RHOBTB2: variants seen among roughly 807,000 people sequenced by gnomAD.
RHOBTB2 encodes rho-related BTB domain-containing protein 2.
Under a neutral mutation model 66.5 loss-of-function variants are expected in RHOBTB2, and 39 were observed. The ratio of observed to expected loss-of-function variants is 0.59; its 90% CI spans 0.45 to 0.77. RHOBTB2 has a LOEUF of 0.77. RHOBTB2 is among the 30% of genes least tolerant of loss of function. The pLI is 0.00. For missense variants in RHOBTB2, 755 were observed against 999.1 expected (o/e 0.76, Z 3.29); for synonymous variants, 390 against 395.0 (o/e 0.99, Z 0.15).
rs1434400329 is a variant in RHOBTB2, at chr8:22,999,608, C to T, written c.-508C>T. 1.9e-5 allele frequency: 23 copies of T among 1,234,308 alleles called. No homozygotes were observed. The highest frequency in any genetic ancestry group is 1.2e-4 in the Admixed American group (4 of 34,600). 76.5% of individuals were successfully genotyped at this position (1,234,308 alleles called of 1,614,324 possible). ...TTTTCTCCTCCTTTTTTTACCCTCC[C>T]GTTTTTTTCTTTTCTTTTTTTTTTC... On this transcript the variant is annotated 5_prime_UTR_variant, in exon 1 of 10. Transcript: ENST00000251822.
In RHOBTB2 at chr8:23,006,163, C is replaced by A. The variant is rs1248505761; in HGVS notation, c.482+18C>A. ...TTGGCTAGGTAGGAGGTGCTGGTAC[C>A]AAGGAGACAGACATGGATGGGTGCC... On this transcript the variant is annotated intron_variant, in intron 4 of 9. Coordinates refer to ENST00000251822, the MANE Select transcript of RHOBTB2 (RefSeq NM_015178.3). The surrounding 1 kb of genome is among the most constrained non-coding windows in gnomAD (Gnocchi z 6.1). 6.2e-7 allele frequency: 1 copy of A among 1,602,240 alleles called. No individual in the cohort carries two copies. The highest frequency in any genetic ancestry group is 8.5e-7 in the Non-Finnish European group (1 of 1,173,050).
chr8:22,965,421 G>T, the RHOBTB2 span, among the ~76,000 whole-genome samples: 49 of 151,536 alleles, frequency 3.2e-4, 1 homozygote, highest in African/African-American at 4.6e-4. Context: ...TGCAGAAATA[G>T]AAAAAAAATT....
At chr8:22,961,730 A>G in the RHOBTB2 span, among the ~76,000 whole-genome samples, 1 of 152,122 alleles carries the variant, frequency 6.6e-6, no homozygotes, top group Non-Finnish European at 1.5e-5. Flanking sequence ...CTTTGCATCT[A>G]TCTCTTCAGT....
intron 1 of RHOBTB2, among the ~76,000 whole-genome samples, chr8:22,987,959 A>G (rs1810323130): frequency 6.6e-6 from 1 of 152,044 alleles, no homozygotes; most frequent in South Asian, 2.1e-4. Context: ...AAGGCCCCCA[A>G]GATCAAGTAG....
the RHOBTB2 span, among the ~76,000 whole-genome samples, chr8:22,973,010 C>A: frequency 6.6e-6 from 1 of 152,214 alleles, no homozygotes; most frequent in Non-Finnish European, 1.5e-5. Flanking sequence ...TTGCCGGGAA[C>A]TTCTCCAGCC....
Position 23,017,748 on chromosome 8 carries a change from T to A in RHOBTB2, c.*279T>A, listed in dbSNP as rs1266117928. On this transcript the variant is annotated 3_prime_UTR_variant, in exon 10 of 10. Transcript: ENST00000251822. This position sits in a 1 kb window ranked among gnomAD's most constrained non-coding sequence, Gnocchi z 5.3. ...GAGCCCTGGCATTTTATCTCTGGGT[T>A]TGAGAGCCCTAGAGTCAAAGGGAAA... 3 of 460,310 alleles carry A rather than the reference T, an allele frequency of 6.5e-6. No homozygotes were observed. The highest frequency in any genetic ancestry group is 5.9e-5 in the African/African-American group (3 of 51,194). The allele number at this position is 460,310 out of a possible 1,614,324, so 28.5% of individuals were successfully genotyped here. A position where few individuals can be genotyped will look rare whatever the true frequency, so the allele number is the denominator to read the frequency against.
At chr8:22,995,005 A>T (rs1810509283), upstream of RHOBTB2, among the ~76,000 whole-genome samples, 1 of 152,348 alleles carries the variant, frequency 6.6e-6, no homozygotes, top group African/African-American at 2.4e-5. Context: ...ACCTCAGGTG[A>T]TCCACCTGCC....
chr8:22,971,881 T>A, the RHOBTB2 span, among the ~76,000 whole-genome samples: 1 of 152,230 alleles, frequency 6.6e-6, no homozygotes, highest in Non-Finnish European at 1.5e-5. Flanking sequence ...CTATCTAAGT[T>A]GATTTACCCC....
At chr8:23,003,732 T>C (rs1156288266) in intron 1 of RHOBTB2, among the ~76,000 whole-genome samples, 1 of 152,038 alleles carries the variant, frequency 6.6e-6, no homozygotes, top group Non-Finnish European at 1.5e-5. Context: ...AGACCCCGAA[T>C]AGAGAAAGGG....
the RHOBTB2 span, among the ~76,000 whole-genome samples, chr8:22,978,981 T>A: frequency 1.7e-4 from 26 of 152,338 alleles, no homozygotes; most frequent in East Asian, 4.6e-3. Context: ...TGTATACATA[T>A]ATTCCCATCT....
rs751782578 is a variant in RHOBTB2, at chr8:23,004,378, G to A, written c.-10-47G>A. 11 of 1,546,600 alleles carry A rather than the reference G, an allele frequency of 7.1e-6. No individual in the cohort carries two copies. Among genetic ancestry groups the A allele is most frequent in the African/African-American group, 4.1e-5 (3 of 73,526 alleles). On this transcript the variant is annotated intron_variant, in intron 1 of 9. Coordinates refer to ENST00000251822, the MANE Select transcript of RHOBTB2 (RefSeq NM_015178.3). The surrounding 1 kb of genome is among the most constrained non-coding windows in gnomAD (Gnocchi z 6.4). ...GCGGGTGCTGGCCCTGGCCCACGGC[G>A]AGCTGGCATGCCATGCCGTCCTGAC...
At chr8:22,959,543 C>G in the RHOBTB2 span, among the ~76,000 whole-genome samples, 1 of 152,236 alleles carries the variant, frequency 6.6e-6, no homozygotes, top group East Asian at 1.9e-4. Flanking sequence ...CATGAGTCAC[C>G]ATGCCTGGCC....
chr8:22,999,443 C>G, upstream of RHOBTB2: 1 of 525,140 alleles, frequency 1.9e-6, no homozygotes, highest in Non-Finnish European at 2.5e-6. Context: ...TGGGCGGGAG[C>G]GGTGCTGCGA....
the RHOBTB2 span, among the ~76,000 whole-genome samples, chr8:22,955,275 AAG>A: frequency 6.6e-6 from 1 of 152,182 alleles, no homozygotes; most frequent in Non-Finnish European, 1.5e-5. Context: ...AAGCTCTAGG[AAG>A]AGACTGTGAG....
chr8:22,964,036 CT>C, the RHOBTB2 span, among the ~76,000 whole-genome samples: 1 of 152,192 alleles, frequency 6.6e-6, no homozygotes, highest in East Asian at 1.9e-4. Flanking sequence ...CCACCTTGGC[CT>C]CCCAAAGTGC....
chr8:22,956,385 G>C, the RHOBTB2 span, among the ~76,000 whole-genome samples: 1 of 152,132 alleles, frequency 6.6e-6, no homozygotes, highest in Admixed American at 6.5e-5. Context: ...TCTTATGAGA[G>C]GTTTAGCACC....
At chr8:22,989,108 A>G (rs1168018897) in intron 1 of RHOBTB2, among the ~76,000 whole-genome samples, 2 of 152,038 alleles carry the variant, frequency 1.3e-5, no homozygotes, top group African/African-American at 4.8e-5. Flanking sequence ...ACTTTCCTTC[A>G]ATTGAGTTAA....
In RHOBTB2 at chr8:23,007,415, C is replaced by G; in HGVS notation, c.1170C>G (p.Ser390Arg). Reference protein sequence around the residue: ...PGRGRVLSSWSRAFVSIQEEM... With the variant: ...PGRGRVLSSWRRAFVSIQEEM... ...GGGGTCGTGTGCTGTCTTCCTGGAG[C>G]CGAGCTTTTGTGAGCATCCAGGAAG... Residue 390 changes from serine to arginine, a missense_variant, in exon 5 of 10, where the codon AGC (serine) becomes AGG (arginine). Ser to Arg is a moderately radical substitution (Grantham distance 110). Coordinates refer to ENST00000251822, the MANE Select transcript of RHOBTB2 (RefSeq NM_015178.3). 1 of 1,614,122 alleles carries G rather than the reference C, an allele frequency of 6.2e-7. No homozygotes were observed. The highest frequency in any genetic ancestry group is 8.5e-7 in the Non-Finnish European group (1 of 1,180,026).
intron 6 of RHOBTB2, among the ~76,000 whole-genome samples, chr8:23,008,942 A>C (rs1223136605): frequency 6.6e-6 from 1 of 151,682 alleles, no homozygotes; most frequent in East Asian, 1.9e-4. Flanking sequence ...CTTGCAGGCA[A>C]CTCCTTCACT....
Sources: gnomAD v4.1 joint callset for allele counts (sites outside exome capture counted in the v4.1 genomes callset) on GRCh38, gnomAD v4.1.1 for gene constraint, Gnocchi (gnomAD v3.1) non-coding constraint, MANE v1.5 for transcripts, NCBI Gene and HGNC (gene_info 2026-07-23, HGNC 2026-07-21) for gene names.